The following BLNK variants were observed in gnomAD, a reference collection of about 807,000 sequenced individuals.
BLNK encodes B cell linker.
BLNK carries 29 observed loss-of-function variants against 73.5 expected under a neutral mutation model. That is an observed-to-expected ratio of 0.39 (90% CI 0.29 to 0.54). The LOEUF (loss-of-function observed/expected upper bound fraction) is 0.54. BLNK is among the 20% of genes least tolerant of loss of function. The pLI, the probability that BLNK is intolerant of heterozygous loss-of-function variation, is 0.61. For missense variants in BLNK, 460 were observed against 562.8 expected, an observed-to-expected ratio of 0.82 and a Z score of 1.85; for synonymous variants, 176 against 200.8, an observed-to-expected ratio of 0.88 and a Z score of 1.04.
chr10:96,198,899 A>C (rs1554895337), intron 15 of BLNK, among the ~76,000 whole-genome samples: 1 of 152,204 alleles, frequency 6.6e-6, no homozygotes, highest in Non-Finnish European at 1.5e-5. Context: ...AGGTTTTGCC[A>C]TCTTGGCCAG....
At chr10:96,269,369 T>A (rs1844164682) in intron 1 of BLNK, among the ~76,000 whole-genome samples, 4 of 146,742 alleles carry the variant, frequency 2.7e-5, no homozygotes. Context: ...CTGGATTCCC[T>A]GAAAGAGAAT....
intron 4 of BLNK, among the ~76,000 whole-genome samples, chr10:96,228,178 C>T (rs191860010): frequency 3.3e-5 from 5 of 151,832 alleles, no homozygotes; most frequent in African/African-American, 9.7e-5. Context: ...CAGCTCACTG[C>T]AGCCTCTGCC....
chr10:96,268,715 C>T (rs1226783932), intron 1 of BLNK, among the ~76,000 whole-genome samples: 1 of 152,142 alleles, frequency 6.6e-6, no homozygotes, highest in Non-Finnish European at 1.5e-5. Context: ...TTGGATGACT[C>T]TGCTTCCCCT....
chr10:96,190,602 A>C lies in BLNK; in HGVS notation c.*1371T>G, dbSNP rs951768115. 1.3e-5 allele frequency among the ~76,000 whole-genome samples: 2 copies of C among 152,248 alleles called. No homozygotes were observed. Among genetic ancestry groups the C allele is most frequent in the Non-Finnish European group, 2.9e-5 (2 of 68,048 alleles). ...ATTTAAATATACAATTATCTTTAGA[A>C]GTGAGTCATGAGTTACCCTGAAATT... On this transcript the variant is annotated 3_prime_UTR_variant, in exon 17 of 17. Coordinates refer to ENST00000224337, the MANE Select transcript of BLNK (RefSeq NM_013314.4).
rs150495829 is a variant in BLNK, at chr10:96,189,698, AATCATC to A, written c.*2269_*2274del. On this transcript the variant is annotated 3_prime_UTR_variant, in exon 17 of 17. Coordinates refer to ENST00000224337, the MANE Select transcript of BLNK (RefSeq NM_013314.4). The stretch of plus-strand genomic sequence containing the variant: ...TTTTCTTCAGTTTCCTCATCATCAA[AATCATC>A]ATCATCATCATCATCATCATCATCA... 9.5e-4 allele frequency: 624 copies of A among 655,490 alleles called. 1 individual carries two copies. The highest frequency in any genetic ancestry group is 7.1e-3 in the African/African-American group (387 of 54,814). 40.6% of individuals were successfully genotyped at this position (655,490 alleles called of 1,614,324 possible).
At chr10:96,230,590 A>G (rs76351633) in intron 4 of BLNK, among the ~76,000 whole-genome samples, 1 of 152,316 alleles carries the variant, frequency 6.6e-6, no homozygotes, top group East Asian at 1.9e-4. Flanking sequence ...AAATGAGGTT[A>G]TGTGTGGAAA....
At chr10:96,255,250 G>A (rs3789933) in intron 1 of BLNK, among the ~76,000 whole-genome samples, 26,613 of 152,110 alleles carry the variant, frequency 0.17, 4,152 homozygotes, top group East Asian at 0.54. Context: ...AGAGGGCACG[G>A]GGAGGGCAGC....
intron 3 of BLNK, among the ~76,000 whole-genome samples, chr10:96,241,024 A>G (rs12256960): frequency 1.3e-5 from 2 of 152,178 alleles, no homozygotes; most frequent in African/African-American, 2.4e-5. Context: ...TCCCCTGACC[A>G]ACTGTCTAAA....
intron 2 of BLNK, among the ~76,000 whole-genome samples, chr10:96,243,796 C>G (rs936447706): frequency 1.3e-5 from 2 of 152,084 alleles, no homozygotes; most frequent in East Asian, 3.8e-4. Flanking sequence ...ACCTCCCTTT[C>G]CACTACTTGA....
intron 8 of BLNK, chr10:96,210,236 C>A (rs1212447034): frequency 2.6e-6 from 1 of 391,524 alleles, no homozygotes; most frequent in East Asian, 5.9e-5. Context: ...CAGTGAGGAC[C>A]CCCACAGAGG....
chr10:96,247,185 T>C, intron 1 of BLNK, 136 bp from the exon 2 acceptor site: 2 of 606,436 alleles, frequency 3.3e-6, no homozygotes, highest in East Asian at 5.5e-5. Context: ...AATTATATTG[T>C]ATTTAATTAA....
chr10:96,258,197 TG>T (rs1385543436), intron 1 of BLNK, among the ~76,000 whole-genome samples: 5 of 152,182 alleles, frequency 3.3e-5, no homozygotes, highest in African/African-American at 1.2e-4. Flanking sequence ...TGCTTCCTTC[TG>T]GGGAGTGAGC....
intron 1 of BLNK, among the ~76,000 whole-genome samples, chr10:96,265,613 C>G (rs1230980397): frequency 2.0e-5 from 3 of 152,178 alleles, no homozygotes; most frequent in African/African-American, 7.2e-5. Flanking sequence ...TAGGCAATCC[C>G]TCATCCAAAC....
chr10:96,192,217 A>G (rs1032121557), intron 16 of BLNK, 125 bp from the exon 17 acceptor site: 13 of 1,326,590 alleles, frequency 9.8e-6, no homozygotes, highest in Admixed American at 7.7e-5. Flanking sequence ...CATTCTGCAC[A>G]AAAAAATCTA....
intron 2 of BLNK, among the ~76,000 whole-genome samples, chr10:96,245,780 G>A (rs1843021834): frequency 6.6e-6 from 1 of 152,086 alleles, no homozygotes; most frequent in Non-Finnish European, 1.5e-5. Context: ...CAATGTCAGT[G>A]TATGTATGTA....
intron 1 of BLNK, among the ~76,000 whole-genome samples, chr10:96,264,469 G>A (rs1382214979): frequency 3.9e-5 from 6 of 152,202 alleles, no homozygotes; most frequent in Non-Finnish European, 8.8e-5. Context: ...GCGCTCTTCT[G>A]AGCACAGGAC....
At chr10:96,209,937 C>T in intron 8 of BLNK, 30 bp from the exon 9 acceptor site, 2 of 1,613,472 alleles carry the variant, frequency 1.2e-6, no homozygotes, top group South Asian at 2.2e-5. Context: ...ACTCAGTCCC[C>T]AAGTCCTGAG....
At chr10:96,264,102 C>T (rs1439214281) in intron 1 of BLNK, among the ~76,000 whole-genome samples, 1 of 152,164 alleles carries the variant, frequency 6.6e-6, no homozygotes, top group East Asian at 1.9e-4. Context: ...CTAGGAAACC[C>T]AGCATAAACG....
chr10:96,198,318 A>T (rs1554895208), intron 15 of BLNK, among the ~76,000 whole-genome samples: 1 of 152,228 alleles, frequency 6.6e-6, no homozygotes, highest in Non-Finnish European at 1.5e-5. Context: ...GTGCTTGCAG[A>T]AGAAAAACAA....
Sources: gnomAD v4.1 joint callset for allele counts (sites outside exome capture counted in the v4.1 genomes callset) on GRCh38, gnomAD v4.1.1 for gene constraint, MANE v1.5 for transcripts, NCBI Gene and HGNC (gene_info 2026-07-23, HGNC 2026-07-21) for gene names.